Variants in PADI4 observed in about 807,000 individuals in gnomAD.
PADI4 encodes protein-arginine deiminase type-4.
A neutral mutation model predicts 75.0 loss-of-function variants in PADI4; 62 were observed. The ratio of observed to expected loss-of-function variants is 0.83; its 90% CI spans 0.67 to 1.02. The LOEUF (loss-of-function observed/expected upper bound fraction) is 1.02, where lower values mean the gene tolerates loss of function less well. Among genes scored for constraint, PADI4 ranks in the 50% least tolerant of loss-of-function variants. The probability of loss-of-function intolerance (pLI) is 0.00; values close to 1 mark genes in which losing one functional copy is unlikely to be tolerated. For synonymous variants in PADI4, 361 were observed against 348.1 expected, an observed-to-expected ratio of 1.04 and a Z score of -0.41; for missense variants, 845 against 850.5, an observed-to-expected ratio of 0.99 and a Z score of 0.08.
At chr1:17,330,338 AG>A (rs1454586800) in intron 1 of PADI4, among the ~76,000 whole-genome samples, 34 of 152,278 alleles carry the variant, frequency 2.2e-4, no homozygotes, top group African/African-American at 8.2e-4. Flanking sequence ...TATATTAGTC[AG>A]GGTTCTCCAG....
At chr1:17,337,597 C>G (rs971188907) in intron 4 of PADI4, among the ~76,000 whole-genome samples, 1 of 152,038 alleles carries the variant, frequency 6.6e-6, no homozygotes, top group African/African-American at 2.4e-5. Flanking sequence ...GATGTGGAAG[C>G]AAGATGTGTA....
At chr1:17,339,636 C>A in intron 5 of PADI4, 52 bp from the exon 6 acceptor site, 1 of 1,604,534 alleles carries the variant, frequency 6.2e-7, no homozygotes, top group Non-Finnish European at 8.5e-7. Flanking sequence ...CTATGGGAAA[C>A]CAGCAGCGGT....
At chr1:17,317,713 G>A (rs1252908471) in intron 1 of PADI4, among the ~76,000 whole-genome samples, 2 of 152,158 alleles carry the variant, frequency 1.3e-5, no homozygotes, top group African/African-American at 4.8e-5. Context: ...AAAAGCATCT[G>A]GAGAGCGTGT....
intron 8 of PADI4, among the ~76,000 whole-genome samples, chr1:17,343,413 A>T (rs1570057684): frequency 1.3e-5 from 2 of 152,190 alleles, no homozygotes; most frequent in Admixed American, 6.5e-5. Context: ...TGATAGCTTC[A>T]GGGGCAGAAG....
chr1:17,329,339 A>T (rs116519369), intron 1 of PADI4, among the ~76,000 whole-genome samples: 5,247 of 151,356 alleles, frequency 0.035, 316 homozygotes, highest in African/African-American at 0.12. Flanking sequence ...AAAAAAAAAA[A>T]TAGTAAATCT....
At position 17,354,602 on chromosome 1, in the gene PADI4, A is replaced by T; in HGVS notation, c.1225A>T (p.Asn409Tyr). 6.2e-7 allele frequency: 1 copy of T among 1,614,134 alleles called. No individual in the cohort carries two copies. Among genetic ancestry groups the T allele is most frequent in the East Asian group, 2.2e-5 (1 of 44,874 alleles). ...TATCAGTGGACTGGACTCCTTTGGG[A>T]ACCTGGAAGTGAGCCCCCCAGTCAC... ...GGISGLDSFGNLEVSPPVTVR... is the reference protein window; with the variant it reads ...GGISGLDSFGYLEVSPPVTVR... Residue 409 changes from asparagine (N) to tyrosine (Y), a missense_variant, in exon 11 of 16, where the codon AAC becomes TAC. Physicochemically the swap from Asn to Tyr is moderately radical, Grantham distance 143. Transcript: ENST00000375448.
chr1:17,363,783 C>T lies in PADI4; in HGVS notation c.*28C>T, dbSNP rs755499165. ...CCATCTTCCCTGGCGTCCTCTCCCTCCTGGCCAGATGTCGCTGGGTCCTCT... is the reference window on the plus strand; with the variant it reads ...CCATCTTCCCTGGCGTCCTCTCCCTTCTGGCCAGATGTCGCTGGGTCCTCT... On this transcript the variant is annotated 3_prime_UTR_variant, in exon 16 of 16. Coordinates refer to ENST00000375448, the MANE Select transcript of PADI4 (RefSeq NM_012387.3). 6.6e-7 allele frequency: 1 copy of T among 1,517,294 alleles called. No homozygotes were observed. Among genetic ancestry groups the T allele is most frequent in the South Asian group, 1.1e-5 (1 of 88,842 alleles). The allele number at this position is 1,517,294 out of a possible 1,614,324, so 94.0% of individuals were successfully genotyped here.
chr1:17,359,197 G>C (rs2074810995), intron 14 of PADI4, 83 bp from the exon 15 acceptor site: 1 of 1,011,486 alleles, frequency 9.9e-7, no homozygotes, highest in Non-Finnish European at 1.5e-6. Flanking sequence ...CCTCCGGCAG[G>C]GGGCCTCAGC....
chr1:17,345,462 G>A (rs1019818782), intron 8 of PADI4, among the ~76,000 whole-genome samples: 2 of 152,138 alleles, frequency 1.3e-5, no homozygotes, highest in Admixed American at 1.3e-4. Context: ...AGGGGCCAGG[G>A]GCAGGATGAT....
chr1:17,358,953 C>A, intron 14 of PADI4, 45 bp downstream of exon 14: 3 of 1,350,744 alleles, frequency 2.2e-6, no homozygotes, highest in Non-Finnish European at 2.1e-6. Flanking sequence ...GACGCCCTGT[C>A]CCCGGCTCAG....
chr1:17,331,464 T>C (rs1423354060), intron 2 of PADI4, among the ~76,000 whole-genome samples: 2 of 152,222 alleles, frequency 1.3e-5, no homozygotes, highest in Non-Finnish European at 1.5e-5. Context: ...GGTGCAGCCC[T>C]CATGGGGCTT....
At chr1:17,312,182 G>A (rs72633835) in intron 1 of PADI4, among the ~76,000 whole-genome samples, 2,001 of 152,242 alleles carry the variant, frequency 0.013, 19 homozygotes, top group Non-Finnish European at 0.019. Flanking sequence ...GAATTGGGCC[G>A]GATGTGGTGG....
At chr1:17,362,759 G>A (rs2074864356) in intron 15 of PADI4, among the ~76,000 whole-genome samples, 1 of 152,188 alleles carries the variant, frequency 6.6e-6, no homozygotes, top group Non-Finnish European at 1.5e-5. Flanking sequence ...TAGCTGGGTG[G>A]CCTTAGGCAA....
chr1:17,351,967 C>CGGT, intron 10 of PADI4, among the ~76,000 whole-genome samples: 1 of 48,514 alleles, frequency 2.1e-5, no homozygotes, highest in African/African-American at 1.2e-4. Flanking sequence ...GGAGAGGCGG[C>CGGT]CAGGGAGGTG....
Position 17,346,097 on chromosome 1 carries a change from C to T in PADI4, c.1005C>T (p.Thr335=). The T allele has an allele frequency of 6.2e-7, 1 of 1,613,894 alleles. No individual in the cohort carries two copies. Among genetic ancestry groups the T allele is most frequent in the Non-Finnish European group, 8.5e-7 (1 of 1,179,760 alleles). The change falls in exon 9 of 16, where the codon ACC becomes ACT. Residue 335 remains threonine, a synonymous_variant. Coordinates refer to ENST00000375448, the MANE Select transcript of PADI4 (RefSeq NM_012387.3). This position sits in a 1 kb window ranked among gnomAD's most constrained non-coding sequence, Gnocchi z 4.3. ...CCATGAAAGCCAAGTGCAAGCTGAC[C>T]ATCTGCCCTGAGGAGGAGAACATGG... ...TLAMKAKCKL[T]ICPEEENMDD... is the part of the protein sequence containing the mutation.
rs560493659 is a variant in PADI4, at chr1:17,317,291, G to A, written c.92+8977G>A. ...TGCACGCCACAGACATAATGCCGAC[G>A]GAGTCTCGCTCTTGTCGCCTAGGCT... On this transcript the variant is annotated intron_variant, in intron 1 of 15. Transcript: ENST00000375448. Among the ~76,000 whole-genome samples, 21 of 151,758 alleles carry A rather than the reference G, an allele frequency of 1.4e-4. No individual in the cohort carries two copies. The East Asian group carries it at 3.1e-3, about 23-fold the overall frequency.
In PADI4 at chr1:17,346,590, C is replaced by A. The variant is rs1380198000; in HGVS notation, c.1047+451C>A. 6.6e-6 allele frequency among the ~76,000 whole-genome samples: 1 copy of A among 152,130 alleles called. No individual in the cohort carries two copies. The highest frequency in any genetic ancestry group is 1.5e-5 in the Non-Finnish European group (1 of 68,018). ...GCCTGCCTGGTTCCCTTCCCTGGGG[C>A]CAGCCTGCCACTGTGCCTGGAAACA... On this transcript the variant is annotated intron_variant, in intron 9 of 15. Transcript: ENST00000375448. The surrounding 1 kb of genome is among the most constrained non-coding windows in gnomAD (Gnocchi z 4.3).
intron 4 of PADI4, among the ~76,000 whole-genome samples, chr1:17,336,558 T>C (rs1220136330): frequency 6.6e-6 from 1 of 152,006 alleles, no homozygotes; most frequent in Non-Finnish European, 1.5e-5. Flanking sequence ...ACAGCTGATA[T>C]GGGAGAGATT....
chr1:17,339,597 G>T (rs1479440635), intron 5 of PADI4, 91 bp from the exon 6 acceptor site: 16 of 1,385,704 alleles, frequency 1.2e-5, no homozygotes, highest in Non-Finnish European at 5.1e-6. Context: ...GAGCGGTGGG[G>T]TGTGAGGCTC....
Sources: allele counts gnomAD v4.1 joint callset (sites outside exome capture counted in the v4.1 genomes callset), GRCh38; gene constraint gnomAD v4.1.1; non-coding constraint Gnocchi (gnomAD v3.1); transcripts MANE v1.5; gene names NCBI Gene and HGNC (gene_info 2026-07-23, HGNC 2026-07-21).